The following KCNQ5 variants were observed in gnomAD, a reference collection of about 807,000 sequenced individuals.
KCNQ5 encodes the protein potassium voltage-gated channel subfamily KQT member 5.
Under a neutral mutation model 98.2 loss-of-function variants are expected in KCNQ5, and 30 were observed. The observed-to-expected ratio is 0.31, with a 90% CI of 0.23 to 0.41. The LOEUF is 0.41. Among genes scored for constraint, KCNQ5 ranks in the 10% least tolerant of loss-of-function variants. The probability of loss-of-function intolerance (pLI) is 1.00; values close to 1 mark genes in which losing one functional copy is unlikely to be tolerated. For synonymous variants in KCNQ5, 458 were observed against 449.4 expected, an observed-to-expected ratio of 1.02 and a Z score of -0.24; for missense variants, 835 against 1,182.5, an observed-to-expected ratio of 0.71 and a Z score of 4.31.
intron 10 of KCNQ5, among the ~76,000 whole-genome samples, chr6:73,163,592 CA>C (rs1777691783): frequency 6.6e-6 from 1 of 151,922 alleles, no homozygotes; most frequent in African/African-American, 2.4e-5. Flanking sequence ...ACTAAAAATA[CA>C]AAAAATTAGC....
chr6:73,103,937 T>C (rs531024832), intron 5 of KCNQ5, among the ~76,000 whole-genome samples: 2 of 152,238 alleles, frequency 1.3e-5, no homozygotes, highest in Admixed American at 1.3e-4. Context: ...CATCATTACA[T>C]ATCGCATGCC....
chr6:73,192,609 A>G lies in KCNQ5; in HGVS notation c.1754A>G (p.Lys585Arg). 1 of 1,612,410 alleles carries G rather than the reference A, an allele frequency of 6.2e-7. No homozygotes were observed. The highest frequency in any genetic ancestry group is 8.5e-7 in the Non-Finnish European group (1 of 1,179,156). The change falls in exon 13 of 14, where the codon AAG (lysine) becomes AGG (arginine). Residue 585 changes from lysine to arginine, a missense_variant. Physicochemically the swap from Lys to Arg is conservative, Grantham distance 26. Transcript: ENST00000370398. ...AAAGGGCAAATCACATCAGATAAGA[A>G]GAGCCGAGAGAAAATAACAGCAGAA... ...LGKGQITSDK[K>R]SREKITAEHE... is the part of the protein sequence containing the mutation.
intron 1 of KCNQ5, among the ~76,000 whole-genome samples, chr6:72,862,234 A>G (rs967691955): frequency 1.4e-4 from 21 of 152,236 alleles, no homozygotes; most frequent in Admixed American, 6.5e-5. Flanking sequence ...TCATGGGCCC[A>G]TAGAACTGCT....
chr6:72,772,403 TA>T (rs1772944977), intron 1 of KCNQ5, among the ~76,000 whole-genome samples: 1 of 152,158 alleles, frequency 6.6e-6, no homozygotes, highest in East Asian at 1.9e-4. Flanking sequence ...CAGCAGGTTA[TA>T]ATATTTATAT....
intron 1 of KCNQ5, among the ~76,000 whole-genome samples, chr6:72,966,100 T>C (rs1767597480): frequency 6.6e-6 from 1 of 152,362 alleles, no homozygotes; most frequent in Admixed American, 6.5e-5. Context: ...AGATAGCATA[T>C]ATTTTTATTA....
chr6:73,197,411 G>T lies in KCNQ5; in HGVS notation c.*1997G>T, dbSNP rs1361950804. On this transcript the variant is annotated 3_prime_UTR_variant, in exon 14 of 14. Transcript: ENST00000370398. Reference sequence around the variant, plus strand: ...TCATTTAGAATCTTTTTGGCTGCTGGAAATGTATAGAAGATAGAGGCTAAA... The same window carrying T: ...TCATTTAGAATCTTTTTGGCTGCTGTAAATGTATAGAAGATAGAGGCTAAA... 3 of 152,068 alleles carry T rather than the reference G, an allele frequency of 2.0e-5. No homozygotes were observed. Among genetic ancestry groups the T allele is most frequent in the Admixed American group, 2.0e-4 (3 of 15,256 alleles). The allele number at this position is 152,068 out of a possible 1,614,324, so 9.4% of individuals were successfully genotyped here.
intron 1 of KCNQ5, among the ~76,000 whole-genome samples, chr6:72,819,905 T>G (rs927786639): frequency 6.6e-6 from 1 of 152,150 alleles, no homozygotes; most frequent in Non-Finnish European, 1.5e-5. Context: ...GAACCCTACA[T>G]TTGGTTTCTG....
chr6:72,880,304 C>T (rs553401758), intron 1 of KCNQ5, among the ~76,000 whole-genome samples: 10 of 152,190 alleles, frequency 6.6e-5, no homozygotes, highest in Admixed American at 2.6e-4. Flanking sequence ...GTCTGGCAAA[C>T]GCCTGCTTTC....
At chr6:73,036,287 G>A (rs1045685274) in intron 2 of KCNQ5, among the ~76,000 whole-genome samples, 23 of 151,070 alleles carry the variant, frequency 1.5e-4, no homozygotes, top group African/African-American at 5.6e-4. Context: ...TCGGGAGGCT[G>A]AGGCAGGCGA....
chr6:72,911,010 G>A (rs1048622887), intron 1 of KCNQ5, among the ~76,000 whole-genome samples: 4 of 152,280 alleles, frequency 2.6e-5, no homozygotes, highest in East Asian at 3.9e-4. Flanking sequence ...TGAAGCCCAG[G>A]TCAGGCTGTG....
intron 1 of KCNQ5, among the ~76,000 whole-genome samples, chr6:72,799,938 A>T (rs1774547683): frequency 6.6e-6 from 1 of 152,150 alleles, no homozygotes; most frequent in African/African-American, 2.4e-5. Context: ...AAAAAAATAT[A>T]TTTTAAATTT....
intron 1 of KCNQ5, among the ~76,000 whole-genome samples, chr6:72,662,421 A>G (rs1436510762): frequency 6.6e-6 from 1 of 152,190 alleles, no homozygotes; most frequent in African/African-American, 2.4e-5. Flanking sequence ...TGATGATATG[A>G]TAACATAAAT....
intron 5 of KCNQ5, among the ~76,000 whole-genome samples, chr6:73,101,086 C>G (rs986284869): frequency 1.3e-5 from 2 of 152,126 alleles, no homozygotes; most frequent in Non-Finnish European, 2.9e-5. Context: ...CAATCCTGCT[C>G]AAACTATTCC....
At chr6:72,893,743 G>A (rs566720128) in intron 1 of KCNQ5, among the ~76,000 whole-genome samples, 2 of 152,200 alleles carry the variant, frequency 1.3e-5, no homozygotes, top group East Asian at 1.9e-4. Context: ...AGTAATCCAC[G>A]AACATTCATT....
chr6:72,622,583 T>G lies in KCNQ5; in HGVS notation c.394T>G (p.Phe132Val). 1 of 1,612,440 alleles carries G rather than the reference T, an allele frequency of 6.2e-7. No individual in the cohort carries two copies. Among genetic ancestry groups the G allele is most frequent in the South Asian group, 1.1e-5 (1 of 91,062 alleles). The change falls in exon 1 of 14, where the codon TTC becomes GTC. Residue 132 changes from phenylalanine to valine, a missense_variant. Transcript: ENST00000370398. The surrounding 1 kb of genome is among the most constrained non-coding windows in gnomAD (Gnocchi z 6.0). ...CGGCTGGGCGTTCATCTACCACGCTTTCGTGTGAGTACCCGCGCCCCCTGC... is the reference window on the plus strand; with the variant it reads ...CGGCTGGGCGTTCATCTACCACGCTGTCGTGTGAGTACCCGCGCCCCCTGC... The part of the protein sequence containing the change: ...PRGWAFIYHA[F>V]VFLLVFGCLI...
At chr6:73,050,662 C>T (rs1176977748) in intron 3 of KCNQ5, among the ~76,000 whole-genome samples, 1 of 152,286 alleles carries the variant, frequency 6.6e-6, no homozygotes, top group East Asian at 1.9e-4. Context: ...ACCACCACCA[C>T]AATCAAAATA....
chr6:72,759,588 C>T (rs1206183683), intron 1 of KCNQ5, among the ~76,000 whole-genome samples: 1 of 152,004 alleles, frequency 6.6e-6, no homozygotes, highest in Non-Finnish European at 1.5e-5. Context: ...GAGTAGATGA[C>T]CATGCCTCCC....
intron 1 of KCNQ5, among the ~76,000 whole-genome samples, chr6:72,925,915 G>T (rs9341390): frequency 0.3 from 45,259 of 152,092 alleles, 6,876 homozygotes; most frequent in South Asian, 0.33. Flanking sequence ...TTATATGAAA[G>T]GTAATGAGAA....
At chr6:72,659,824 TC>T (rs1766416347) in intron 1 of KCNQ5, among the ~76,000 whole-genome samples, 1 of 152,150 alleles carries the variant, frequency 6.6e-6, no homozygotes, top group South Asian at 2.1e-4. Flanking sequence ...ATCCCCTCGG[TC>T]CCCCATAAAA....
Sources: allele counts gnomAD v4.1 joint callset (sites outside exome capture counted in the v4.1 genomes callset), GRCh38; gene constraint gnomAD v4.1.1; non-coding constraint Gnocchi (gnomAD v3.1); transcripts MANE v1.5; gene names NCBI Gene and HGNC (gene_info 2026-07-23, HGNC 2026-07-21).